Variants in CTDSPL observed in about 807,000 individuals in gnomAD.
CTDSPL encodes CTD small phosphatase like.
In CTDSPL, 8 loss-of-function variants were observed where a neutral mutation model predicts 30.5. The ratio of observed to expected loss-of-function variants is 0.26; its 90% CI spans 0.15 to 0.47. The LOEUF (loss-of-function observed/expected upper bound fraction) is 0.47, where lower values mean the gene tolerates loss of function less well. CTDSPL is among the 20% of genes least tolerant of loss of function. CTDSPL has a pLI of 0.99. For synonymous variants in CTDSPL, 110 were observed against 137.9 expected (o/e 0.80, Z 1.42); for missense variants, 248 against 366.1 (o/e 0.68, Z 2.63).
At chr3:37,947,258 G>A (rs1699050538) in intron 2 of CTDSPL, 47 bp downstream of exon 2, 4 of 1,584,740 alleles carry the variant, frequency 2.5e-6, no homozygotes, top group East Asian at 2.3e-5. Context: ...TGCAGCAGTG[G>A]CATCTCTGTC....
chr3:37,937,040 C>G (rs1698924667), intron 1 of CTDSPL, among the ~76,000 whole-genome samples: 1 of 150,306 alleles, frequency 6.7e-6, no homozygotes, highest in East Asian at 1.9e-4. Context: ...GTTAAAGCAG[C>G]AAAAGCAGAT....
chr3:37,931,706 A>G (rs937791599), intron 1 of CTDSPL, among the ~76,000 whole-genome samples: 2 of 152,028 alleles, frequency 1.3e-5, no homozygotes, highest in African/African-American at 2.4e-5. Flanking sequence ...TAGTGCTTAC[A>G]TGAAACATTT....
chr3:37,902,220 G>A (rs529840698), intron 1 of CTDSPL, among the ~76,000 whole-genome samples: 2 of 152,290 alleles, frequency 1.3e-5, no homozygotes, highest in South Asian at 2.1e-4. Context: ...AGAAGAGTGC[G>A]TGTTTGATGG....
intron 1 of CTDSPL, among the ~76,000 whole-genome samples, chr3:37,880,014 C>T (rs1180143516): frequency 2.7e-5 from 4 of 150,852 alleles, no homozygotes; most frequent in Non-Finnish European, 4.4e-5. Flanking sequence ...AAGACCTTGC[C>T]GTTGTATTTG....
intron 1 of CTDSPL, among the ~76,000 whole-genome samples, chr3:37,906,572 G>C (rs1698518102): frequency 6.6e-6 from 1 of 152,168 alleles, no homozygotes; most frequent in African/African-American, 2.4e-5. Context: ...TTTTTCACTG[G>C]TGCCTCCCTG....
chr3:37,925,840 G>C (rs997258198), intron 1 of CTDSPL, among the ~76,000 whole-genome samples: 3 of 147,604 alleles, frequency 2.0e-5, no homozygotes, highest in African/African-American at 7.4e-5. Flanking sequence ...AGTACACACA[G>C]ACACACACAC....
chr3:37,927,105 A>C (rs1488536440), intron 1 of CTDSPL, among the ~76,000 whole-genome samples: 1 of 152,168 alleles, frequency 6.6e-6, no homozygotes, highest in Non-Finnish European at 1.5e-5. Context: ...GCTGATATGA[A>C]GCCACAAGTG....
intron 1 of CTDSPL, among the ~76,000 whole-genome samples, chr3:37,887,751 G>A (rs76778989): frequency 0.024 from 3,702 of 152,198 alleles, 118 homozygotes; most frequent in South Asian, 0.078. Flanking sequence ...CTCAGTATGC[G>A]TCTGTGCAGT....
chr3:37,898,224 A>G (rs1018816724), intron 1 of CTDSPL, among the ~76,000 whole-genome samples: 7 of 152,194 alleles, frequency 4.6e-5, no homozygotes, highest in Admixed American at 1.3e-4. Context: ...AGCTGCTTCA[A>G]AGAGGTAAGG....
intron 1 of CTDSPL, among the ~76,000 whole-genome samples, chr3:37,942,066 C>A (rs548252201): frequency 6.6e-6 from 1 of 150,458 alleles, no homozygotes; most frequent in East Asian, 2.0e-4. Context: ...CAGCCCCCAG[C>A]AGAGCTCACT....
intron 1 of CTDSPL, among the ~76,000 whole-genome samples, chr3:37,872,572 C>CTTTTTTTTTTTTTTTT (rs1294021036): frequency 9.2e-5 from 5 of 54,258 alleles, no homozygotes; most frequent in Non-Finnish European, 1.1e-4. Flanking sequence ...ATTCTTTTAT[C>CTTTTTTTTTTTTTTTT]TTTTTTTTTT....
chr3:37,904,334 AAGG>A (rs1269161901), intron 1 of CTDSPL, among the ~76,000 whole-genome samples: 1 of 152,096 alleles, frequency 6.6e-6, no homozygotes, highest in East Asian at 1.9e-4. Context: ...CATCCAGGAG[AAGG>A]AGGAGTGGGG....
chr3:37,902,010 T>C (rs1185816377), intron 1 of CTDSPL, among the ~76,000 whole-genome samples: 1 of 152,136 alleles, frequency 6.6e-6, no homozygotes, highest in Non-Finnish European at 1.5e-5. Context: ...GCCTCTCCTC[T>C]GAGGGGTCCA....
At chr3:37,924,921 G>A (rs1232221632) in intron 1 of CTDSPL, among the ~76,000 whole-genome samples, 2 of 152,124 alleles carry the variant, frequency 1.3e-5, no homozygotes, top group Non-Finnish European at 2.9e-5. Context: ...CAAGAGCACA[G>A]CTCTCATCCT....
At chr3:37,913,246 G>C (rs1218710165) in intron 1 of CTDSPL, among the ~76,000 whole-genome samples, 1 of 152,186 alleles carries the variant, frequency 6.6e-6, no homozygotes, top group East Asian at 1.9e-4. Flanking sequence ...CTTGAGCCCA[G>C]GAGGTGGAGG....
At chr3:37,957,006 T>C (rs1699181790) in intron 2 of CTDSPL, 105 bp from the exon 3 acceptor site, 4 of 921,644 alleles carry the variant, frequency 4.3e-6, no homozygotes, top group Admixed American at 4.2e-5. Flanking sequence ...GTACAGAGAA[T>C]GGCAGATCAT....
intron 1 of CTDSPL, among the ~76,000 whole-genome samples, chr3:37,881,014 G>A (rs1446382441): frequency 1.3e-5 from 2 of 150,118 alleles, no homozygotes; most frequent in African/African-American, 4.9e-5. Context: ...TTGCTCTTGA[G>A]GGGGACCAAA....
At chr3:37,946,396 G>A (rs1193275407) in intron 1 of CTDSPL, among the ~76,000 whole-genome samples, 1 of 152,164 alleles carries the variant, frequency 6.6e-6, no homozygotes, top group Non-Finnish European at 1.5e-5. Context: ...AGGAACATGT[G>A]TTCTCCATCC....
intron 1 of CTDSPL, among the ~76,000 whole-genome samples, chr3:37,879,334 C>G (rs1476397324): frequency 6.6e-6 from 1 of 152,224 alleles, no homozygotes; most frequent in African/African-American, 2.4e-5. Context: ...TACCTATCTG[C>G]CTGTCTCATC....
Sources: gnomAD v4.1 joint callset for allele counts (sites outside exome capture counted in the v4.1 genomes callset) on GRCh38, gnomAD v4.1.1 for gene constraint, MANE v1.5 for transcripts, NCBI Gene and HGNC (gene_info 2026-07-23, HGNC 2026-07-21) for gene names.